HSPA4: variants seen among roughly 807,000 people sequenced by gnomAD.
The protein encoded by HSPA4 is heat shock 70 kDa protein 4.
In HSPA4, 25 loss-of-function variants were observed where a neutral mutation model predicts 106.2. The observed-to-expected ratio is 0.24, with a 90% CI of 0.17 to 0.33. HSPA4 has a LOEUF of 0.33. Among genes scored for constraint, HSPA4 ranks in the 10% least tolerant of loss-of-function variants. The probability of loss-of-function intolerance (pLI) is 1.00; values close to 1 mark genes in which losing one functional copy is unlikely to be tolerated. For synonymous variants in HSPA4, 332 were observed against 333.6 expected, an observed-to-expected ratio of 1.00 and a Z score of 0.05; for missense variants, 841 against 996.0, an observed-to-expected ratio of 0.84 and a Z score of 2.10.
intron 1 of HSPA4, among the ~76,000 whole-genome samples, chr5:133,064,215 C>G (rs1030026092): frequency 2.0e-5 from 3 of 152,144 alleles, no homozygotes; most frequent in African/African-American, 7.2e-5. Flanking sequence ...GTCAGAAATT[C>G]TGAGTCCTGG....
chr5:133,074,925 T>C (rs2126703115), intron 6 of HSPA4, among the ~76,000 whole-genome samples: 1 of 152,316 alleles, frequency 6.6e-6, no homozygotes, highest in African/African-American at 2.4e-5. Flanking sequence ...CTCAAGTGTT[T>C]GCTTTAATTA....
Position 133,070,415 on chromosome 5 carries a change from A to G in HSPA4, c.348A>G (p.Gln116=), listed in dbSNP as rs765401446. 6.8e-6 allele frequency: 11 copies of G among 1,611,022 alleles called. No homozygotes were observed. The South Asian group carries it at 8.8e-5, about 13-fold the overall frequency. ...AAGAGCGAAATTTTACCACTGAGCAAGTGACTGCCATGCTTTTGTCCAAAC... is the reference window on the plus strand; with the variant it reads ...AAGAGCGAAATTTTACCACTGAGCAGGTGACTGCCATGCTTTTGTCCAAAC... ...MEEERNFTTE[Q]VTAMLLSKLK... The change falls in exon 4 of 19, where the codon CAA becomes CAG. Residue 116 remains glutamine, a synonymous_variant. Transcript: ENST00000304858.
intron 9 of HSPA4, among the ~76,000 whole-genome samples, chr5:133,088,761 G>T (rs1480922319): frequency 6.6e-6 from 1 of 152,168 alleles, no homozygotes; most frequent in Non-Finnish European, 1.5e-5. Context: ...AGAAACATAG[G>T]TAACTCTGAG....
intron 17 of HSPA4, among the ~76,000 whole-genome samples, chr5:133,103,374 C>CTT (rs113278830): frequency 8.3e-5 from 12 of 144,046 alleles, no homozygotes; most frequent in Admixed American, 4.8e-4. Context: ...CCTTCTTCTT[C>CTT]TTTTTTTTTT....
chr5:133,106,101 AATTTTTT>A lies in HSPA4; in HGVS notation c.*1666_*1672del, dbSNP rs1765854887. The A allele has an allele frequency of 7.1e-4, 57 of 80,192 alleles. 1 individual carries two copies. The highest frequency in any genetic ancestry group is 1.2e-3 in the African/African-American group (24 of 19,850). 5.0% of individuals were successfully genotyped at this position (80,192 alleles called of 1,614,324 possible). A position where few individuals can be genotyped will look rare whatever the true frequency, so the allele number is the denominator to read the frequency against. ...GGCCATTTCTTCTTAAAAAAAAAAA[AATTTTTT>A]TTTTTTTTTTTTTTTTTTTTTTTTT... On this transcript the variant is annotated 3_prime_UTR_variant, in exon 19 of 19. Transcript: ENST00000304858.
chr5:133,096,398 G>A, intron 14 of HSPA4, 148 bp downstream of exon 14: 1 of 642,274 alleles, frequency 1.6e-6, no homozygotes, highest in Admixed American at 3.0e-5. Context: ...GTAAGGGCAA[G>A]TTGAAGCAAT....
chr5:133,076,920 T>C, intron 7 of HSPA4, 22 bp downstream of exon 7: 1 of 1,574,740 alleles, frequency 6.4e-7, no homozygotes. Context: ...ACTATTTCGA[T>C]GTTAAAGTGA....
At chr5:133,083,952 A>G (rs879334708) in intron 7 of HSPA4, among the ~76,000 whole-genome samples, 2 of 152,240 alleles carry the variant, frequency 1.3e-5, no homozygotes, top group African/African-American at 2.4e-5. Flanking sequence ...TAAGGTTTGC[A>G]TATTAACCAG....
At chr5:133,054,900 C>T (rs1390949703) in intron 1 of HSPA4, among the ~76,000 whole-genome samples, 2 of 152,204 alleles carry the variant, frequency 1.3e-5, no homozygotes, top group South Asian at 2.1e-4. Context: ...ATTGAACACG[C>T]TTTAGTTCCA....
intron 6 of HSPA4, among the ~76,000 whole-genome samples, chr5:133,074,842 T>C: frequency 6.6e-6 from 1 of 152,232 alleles, no homozygotes; most frequent in East Asian, 1.9e-4. Context: ...TGGTTTATGC[T>C]AGTTCCACAG....
rs57230598 is a variant in HSPA4, at chr5:133,092,806, GTTTTTTTTTTTTTTTTTT to G, written c.1650+32_1650+49del. ...GAAATGGAGGTATGCATTGGGTGGT[GTTTTTTTTTTTTTTTTTT>G]TTTTTTTTTTTTTTGAGACAGAGTT... On this transcript the variant is annotated intron_variant, in intron 13 of 18. Coordinates refer to ENST00000304858, the MANE Select transcript of HSPA4 (RefSeq NM_002154.4). 326 of 474,010 alleles carry G rather than the reference GTTTTTTTTTTTTTTTTTT, an allele frequency of 6.9e-4. 1 individual carries two copies. Among genetic ancestry groups the G allele is most frequent in the Admixed American group, 1.5e-3 (25 of 16,490 alleles). 29.4% of individuals were successfully genotyped at this position (474,010 alleles called of 1,614,324 possible).
chr5:133,053,324 T>C (rs1400661766), intron 1 of HSPA4, among the ~76,000 whole-genome samples: 1 of 88,688 alleles, frequency 1.1e-5, no homozygotes, highest in African/African-American at 4.1e-5. Context: ...TCAGGGTCTC[T>C]CTTCTTTTTT....
chr5:133,054,083 G>T (rs1765127547), intron 1 of HSPA4, among the ~76,000 whole-genome samples: 1 of 151,950 alleles, frequency 6.6e-6, no homozygotes, highest in Non-Finnish European at 1.5e-5. Context: ...TCAAATTTCC[G>T]CACCCCCCAC....
chr5:133,089,071 C>A lies in HSPA4; in HGVS notation c.1154C>A (p.Pro385His). The A allele has an allele frequency of 6.3e-7, 1 of 1,596,098 alleles. No individual in the cohort carries two copies. The highest frequency in any genetic ancestry group is 1.1e-5 in the South Asian group (1 of 87,930). ...GCALQCAILS[P>H]AFKVREFSIT... ...TTATTCTAGTGTGCCATCTTATCGC[C>A]TGCTTTCAAAGTCAGAGAATTTTCT... The change falls in exon 10 of 19, where the codon CCT (proline) becomes CAT (histidine). Residue 385 changes from proline (P) to histidine (H), a missense_variant. Transcript: ENST00000304858.
At chr5:133,059,503 C>T (rs975221081) in intron 1 of HSPA4, among the ~76,000 whole-genome samples, 7 of 151,292 alleles carry the variant, frequency 4.6e-5, no homozygotes, top group African/African-American at 1.5e-4. Flanking sequence ...GTCCCAGCTT[C>T]TTGGGAGGCT....
chr5:133,101,918 TA>T (rs1765789887), intron 17 of HSPA4, 40 bp downstream of exon 17: 5 of 1,225,026 alleles, frequency 4.1e-6, no homozygotes, highest in Non-Finnish European at 4.4e-6. Flanking sequence ...TTAGTAAAGT[TA>T]ACTTTTTTTT....
intron 1 of HSPA4, among the ~76,000 whole-genome samples, chr5:133,055,909 C>T (rs1305952262): frequency 6.6e-6 from 1 of 152,036 alleles, no homozygotes; most frequent in Non-Finnish European, 1.5e-5. Context: ...GGAACCCTGT[C>T]TCTACTAAAA....
chr5:133,065,607 G>T (rs1765297031), intron 2 of HSPA4, among the ~76,000 whole-genome samples: 1 of 152,162 alleles, frequency 6.6e-6, no homozygotes, highest in Admixed American at 6.5e-5. Context: ...GTTAAGCAAG[G>T]CTTGCTTGTT....
chr5:133,055,922 A>T (rs1382715802), intron 1 of HSPA4, among the ~76,000 whole-genome samples: 3 of 152,166 alleles, frequency 2.0e-5, no homozygotes, highest in African/African-American at 7.2e-5. Context: ...TACTAAAAAT[A>T]CAAAAATTAG....
Sources: allele counts gnomAD v4.1 joint callset (sites outside exome capture counted in the v4.1 genomes callset), GRCh38; gene constraint gnomAD v4.1.1; transcripts MANE v1.5; gene names NCBI Gene and HGNC (gene_info 2026-07-23, HGNC 2026-07-21).